Variants in GMDS observed in about 807,000 individuals in gnomAD.
The protein encoded by GMDS is GDP-mannose 4,6 dehydratase.
Under a neutral mutation model 49.9 loss-of-function variants are expected in GMDS, and 20 were observed. The observed-to-expected ratio is 0.40, with a 90% confidence interval of 0.28 to 0.58. GMDS has a LOEUF of 0.58. Among genes scored for constraint, GMDS ranks in the 20% least tolerant of loss-of-function variants. The pLI is 0.42. For synonymous variants in GMDS, 177 were observed against 178.6 expected, an observed-to-expected ratio of 0.99 and a Z score of 0.07; for missense variants, 362 against 481.4, an observed-to-expected ratio of 0.75 and a Z score of 2.32.
rs993665548 is a variant in GMDS, at chr6:1,932,637, A to G, written c.644-2407T>C. On this transcript the variant is annotated intron_variant, in intron 6 of 10. Transcript: ENST00000380815. Reference sequence around the variant, plus strand: ...ACTGCAAGCTCCGCCTCCCGGGTTCACGCCATTCTCCTGCCTCAGCCTCCC... The same window carrying G: ...ACTGCAAGCTCCGCCTCCCGGGTTCGCGCCATTCTCCTGCCTCAGCCTCCC... 2.7e-5 allele frequency among the ~76,000 whole-genome samples: 4 copies of G among 147,814 alleles called. No individual in the cohort carries two copies. In the East Asian group the frequency reaches 8.0e-4, roughly 29 times the overall value.
intron 4 of GMDS, among the ~76,000 whole-genome samples, chr6:2,052,389 C>T (rs924772125): frequency 2.0e-5 from 3 of 152,146 alleles, no homozygotes; most frequent in African/African-American, 7.2e-5. Context: ...AAGAAGTTAT[C>T]TCTAAGCTGA....
chr6:1,715,954 G>T (rs1766160625), intron 9 of GMDS, among the ~76,000 whole-genome samples: 1 of 152,162 alleles, frequency 6.6e-6, no homozygotes, highest in Non-Finnish European at 1.5e-5. Context: ...TCAAACAGCA[G>T]GTTTTAGATG....
chr6:1,991,939 C>T (rs79691136), intron 4 of GMDS, among the ~76,000 whole-genome samples: 5,958 of 152,262 alleles, frequency 0.039, 172 homozygotes, highest in Middle Eastern at 0.075. Context: ...ATCGGAGTTA[C>T]GCAGCTCCAC....
At chr6:2,039,432 A>G (rs1344427804) in intron 4 of GMDS, among the ~76,000 whole-genome samples, 1 of 152,166 alleles carries the variant, frequency 6.6e-6, no homozygotes, top group Non-Finnish European at 1.5e-5. Context: ...GCTCACCATA[A>G]ATTTTTTACT....
chr6:1,818,502 G>A (rs1043499488), intron 7 of GMDS, among the ~76,000 whole-genome samples: 1 of 151,614 alleles, frequency 6.6e-6, no homozygotes, highest in Non-Finnish European at 1.5e-5. Flanking sequence ...CAGCTACTCG[G>A]GAGGCTGAGG....
In GMDS at chr6:2,057,035, C is replaced by G. The variant is rs185484551; in HGVS notation, c.345+58736G>C. Reference sequence around the variant, plus strand: ...GTGAAATGATCAAAATGTGGCAGTTCCTAGCCTGATGAGGAAAATGAAACA... The same window carrying G: ...GTGAAATGATCAAAATGTGGCAGTTGCTAGCCTGATGAGGAAAATGAAACA... On this transcript the variant is annotated intron_variant, in intron 4 of 10. Transcript: ENST00000380815. Among the ~76,000 whole-genome samples the G allele has an allele frequency of 3.1e-3, 465 of 152,274 alleles. 5 individuals carry two copies. Among genetic ancestry groups the G allele is most frequent in the African/African-American group, 0.01 (435 of 41,558 alleles).
At position 1,804,292 on chromosome 6, in the gene GMDS, T is replaced by A. The variant is rs1409162245; in HGVS notation, c.772-61706A>T. On this transcript the variant is annotated intron_variant, in intron 7 of 10. Coordinates refer to ENST00000380815, the MANE Select transcript of GMDS (RefSeq NM_001500.4). ...ACTGCTACGTGGCGAGTTCCCCTTG[T>A]GCACACCAGCTTGGTTCTAAAGAGG... 2.6e-5 allele frequency among the ~76,000 whole-genome samples: 4 copies of A among 152,220 alleles called. No individual in the cohort carries two copies. The East Asian group carries it at 7.8e-4, about 30-fold the overall frequency.
intron 7 of GMDS, among the ~76,000 whole-genome samples, chr6:1,905,911 T>C (rs1760751633): frequency 6.7e-6 from 1 of 149,950 alleles, no homozygotes; most frequent in South Asian, 2.1e-4. Context: ...TGGGAACACG[T>C]ATGCAGGTGT....
In GMDS at chr6:1,870,619, C is replaced by G. The variant is rs572875978; in HGVS notation, c.771+59484G>C. 9.9e-5 allele frequency among the ~76,000 whole-genome samples: 15 copies of G among 152,284 alleles called. No individual in the cohort carries two copies. In the East Asian group the frequency reaches 2.9e-3, roughly 29 times the overall value. On this transcript the variant is annotated intron_variant, in intron 7 of 10. Transcript: ENST00000380815. ...AGGGAAGGAGCTACTTAGTTCAGTG[C>G]TAGTTATCTTGAGATAAATATCTTT...
At chr6:1,999,050 G>A (rs907731476) in intron 4 of GMDS, among the ~76,000 whole-genome samples, 1 of 152,046 alleles carries the variant, frequency 6.6e-6, no homozygotes, top group Non-Finnish European at 1.5e-5. Flanking sequence ...TAGGCCAGGT[G>A]CGGTGGCTCA....
intron 1 of GMDS, among the ~76,000 whole-genome samples, chr6:2,182,264 G>C (rs1057027442): frequency 1.3e-5 from 2 of 152,308 alleles, no homozygotes; most frequent in East Asian, 1.9e-4. Flanking sequence ...TGGTTCATGG[G>C]GCCAAAGTGA....
chr6:1,758,468 C>T (rs1455646461), intron 7 of GMDS, among the ~76,000 whole-genome samples: 1 of 152,200 alleles, frequency 6.6e-6, no homozygotes, highest in Admixed American at 6.5e-5. Flanking sequence ...CCTGAGAAAC[C>T]CTCTGGAGTT....
chr6:1,748,374 C>T (rs1767597304), intron 7 of GMDS, among the ~76,000 whole-genome samples: 1 of 152,088 alleles, frequency 6.6e-6, no homozygotes, highest in African/African-American at 2.4e-5. Flanking sequence ...TTATCTTTTA[C>T]ATCTATCACC....
chr6:1,789,683 A>G (rs1032107385), intron 7 of GMDS, among the ~76,000 whole-genome samples: 2 of 148,640 alleles, frequency 1.3e-5, no homozygotes, highest in African/African-American at 2.4e-5. Flanking sequence ...CTACAGGTGC[A>G]TGCCACCACA....
At chr6:2,091,740 A>AT (rs1773320204) in intron 4 of GMDS, among the ~76,000 whole-genome samples, 2 of 152,044 alleles carry the variant, frequency 1.3e-5, no homozygotes, top group South Asian at 4.2e-4. Context: ...CAAAGAAAAA[A>AT]ATTTTTTTTT....
intron 9 of GMDS, among the ~76,000 whole-genome samples, chr6:1,644,244 C>T (rs796332213): frequency 6.6e-6 from 1 of 152,066 alleles, no homozygotes; most frequent in African/African-American, 2.4e-5. Context: ...TCCACCCGAG[C>T]GAACGTGTGA....
At chr6:1,851,706 A>G (rs928390318) in intron 7 of GMDS, among the ~76,000 whole-genome samples, 2 of 152,154 alleles carry the variant, frequency 1.3e-5, no homozygotes, top group Non-Finnish European at 2.9e-5. Context: ...ACTGAACACT[A>G]TATTTTTTAA....
intron 9 of GMDS, among the ~76,000 whole-genome samples, chr6:1,626,973 C>A (rs1277937632): frequency 6.6e-6 from 1 of 152,234 alleles, no homozygotes; most frequent in Non-Finnish European, 1.5e-5. Flanking sequence ...AGCCTAGCTC[C>A]AATACTGCAG....
intron 1 of GMDS, among the ~76,000 whole-genome samples, chr6:2,149,612 A>C (rs1480334079): frequency 6.6e-6 from 1 of 152,216 alleles, no homozygotes; most frequent in Non-Finnish European, 1.5e-5. Context: ...TTCTGAATCC[A>C]GTCTATTTTA....
Sources: gnomAD v4.1 joint callset for allele counts (sites outside exome capture counted in the v4.1 genomes callset) on GRCh38, gnomAD v4.1.1 for gene constraint, MANE v1.5 for transcripts, NCBI Gene and HGNC (gene_info 2026-07-23, HGNC 2026-07-21) for gene names.